Variants in GRK5 observed in about 807,000 individuals in gnomAD.
GRK5 encodes G protein-coupled receptor kinase 5, also known as g protein-coupled receptor kinase GRK5.
In GRK5, 40 loss-of-function variants were observed where a neutral mutation model predicts 78.4. That is an observed-to-expected ratio of 0.51 (90% CI 0.40 to 0.66). GRK5 has a LOEUF of 0.66. GRK5 is among the 30% of genes least tolerant of loss of function. GRK5 has a pLI of 0.00. For synonymous variants in GRK5, 289 were observed against 296.8 expected (o/e 0.97, Z 0.27); for missense variants, 598 against 759.9 (o/e 0.79, Z 2.50).
chr10:119,215,857 A>T (rs1247271492), intron 1 of GRK5, among the ~76,000 whole-genome samples: 1 of 152,196 alleles, frequency 6.6e-6, no homozygotes, highest in African/African-American at 2.4e-5. Flanking sequence ...AGTGCGGCAG[A>T]TCTACAGAAA....
intron 9 of GRK5, among the ~76,000 whole-genome samples, chr10:119,438,584 G>A (rs766115321): frequency 6.6e-6 from 1 of 151,294 alleles, no homozygotes; most frequent in Non-Finnish European, 1.5e-5. Context: ...CTACGTGATT[G>A]CCTTTTATTT....
At chr10:119,432,781 C>T (rs1217812531) in intron 8 of GRK5, among the ~76,000 whole-genome samples, 1 of 152,162 alleles carries the variant, frequency 6.6e-6, no homozygotes, top group East Asian at 1.9e-4. Context: ...ATCTTTAAAC[C>T]ACTACAGGGC....
At chr10:119,395,591 T>G (rs900945162) in intron 3 of GRK5, among the ~76,000 whole-genome samples, 1 of 152,196 alleles carries the variant, frequency 6.6e-6, no homozygotes, top group East Asian at 1.9e-4. Context: ...AATTAGCTCT[T>G]TTGTCTAAAT....
intron 1 of GRK5, among the ~76,000 whole-genome samples, chr10:119,235,079 G>A (rs1848901554): frequency 6.6e-6 from 1 of 152,062 alleles, no homozygotes; most frequent in African/African-American, 2.4e-5. Flanking sequence ...AGGCTTGGGT[G>A]ATCCTCCCAC....
chr10:119,413,853 GC>G (rs1283948500), intron 4 of GRK5, among the ~76,000 whole-genome samples: 5 of 152,158 alleles, frequency 3.3e-5, no homozygotes, highest in African/African-American at 1.2e-4. Context: ...GCCCACAGCA[GC>G]CTCCAGCCCT....
chr10:119,421,546 G>A (rs1201675195), intron 4 of GRK5, among the ~76,000 whole-genome samples: 3 of 152,232 alleles, frequency 2.0e-5, no homozygotes, highest in African/African-American at 4.8e-5. Context: ...GTTGTGACCC[G>A]TGCTCTGTGG....
intron 8 of GRK5, among the ~76,000 whole-genome samples, chr10:119,433,462 C>T (rs1017905295): frequency 6.6e-6 from 1 of 151,974 alleles, no homozygotes; most frequent in African/African-American, 2.4e-5. Context: ...TTAACTGTGC[C>T]CCATCCACGG....
intron 2 of GRK5, among the ~76,000 whole-genome samples, chr10:119,358,111 T>G (rs1283994491): frequency 6.6e-6 from 1 of 152,108 alleles, no homozygotes; most frequent in Non-Finnish European, 1.5e-5. Context: ...TTCCCCATTG[T>G]GCAGTGGGGA....
At chr10:119,423,358 A>G in intron 5 of GRK5, 92 bp downstream of exon 5, 1 of 843,286 alleles carries the variant, frequency 1.2e-6, no homozygotes, top group Non-Finnish European at 2.0e-6. Flanking sequence ...GCACTGAGGC[A>G]GGTCTTCCAT....
chr10:119,386,025 C>T (rs1589778126), intron 3 of GRK5, among the ~76,000 whole-genome samples: 1 of 152,138 alleles, frequency 6.6e-6, no homozygotes, highest in East Asian at 1.9e-4. Flanking sequence ...GCTGGGACTA[C>T]AGGTACACAC....
intron 1 of GRK5, among the ~76,000 whole-genome samples, chr10:119,223,223 A>T (rs1385562265): frequency 6.6e-6 from 1 of 152,128 alleles, no homozygotes; most frequent in African/African-American, 2.4e-5. Context: ...GTCCAGAGTT[A>T]TCCTTTGTAT....
At chr10:119,225,514 T>C (rs1848720503) in intron 1 of GRK5, among the ~76,000 whole-genome samples, 1 of 152,096 alleles carries the variant, frequency 6.6e-6, no homozygotes, top group Non-Finnish European at 1.5e-5. Context: ...GAATGGGCCC[T>C]ATCAAGCACT....
intron 1 of GRK5, among the ~76,000 whole-genome samples, chr10:119,275,611 T>TCTCTCTCTCTCTCTCTCG (rs574879389): frequency 2.4e-5 from 3 of 123,912 alleles, no homozygotes; most frequent in Admixed American, 7.9e-5. Context: ...TCTCTCTCTC[T>TCTCTCTCTCTCTCTCTCG]CGCACACACA....
At position 119,445,486 on chromosome 10, in the gene GRK5, G is replaced by A. The variant is rs893607880; in HGVS notation, c.1266+1734G>A. Among the ~76,000 whole-genome samples the A allele has an allele frequency of 1.8e-4, 28 of 152,106 alleles. No homozygotes were observed. The highest frequency in any genetic ancestry group is 6.5e-4 in the African/African-American group (27 of 41,398). ...GGCTTTGGAGCTGGGATCTCCTGCTGCAGCCTGGACCAGGGTGCTGCTGTC... is the reference window on the plus strand; with the variant it reads ...GGCTTTGGAGCTGGGATCTCCTGCTACAGCCTGGACCAGGGTGCTGCTGTC... On this transcript the variant is annotated intron_variant, in intron 12 of 15. Coordinates refer to ENST00000392870, the MANE Select transcript of GRK5 (RefSeq NM_005308.3). This position sits in a 1 kb window ranked among gnomAD's most constrained non-coding sequence, Gnocchi z 4.1.
chr10:119,239,721 C>A (rs1220688251), intron 1 of GRK5, among the ~76,000 whole-genome samples: 2 of 151,836 alleles, frequency 1.3e-5, no homozygotes, highest in Non-Finnish European at 2.9e-5. Flanking sequence ...GTGATGTTCC[C>A]CTCCCTTTGT....
chr10:119,249,105 C>T (rs1408531411), intron 1 of GRK5, among the ~76,000 whole-genome samples: 1 of 151,994 alleles, frequency 6.6e-6, no homozygotes, highest in Admixed American at 6.6e-5. Context: ...CCCGTCTTTA[C>T]TAAATATACA....
chr10:119,439,112 T>C (rs915117), intron 9 of GRK5, among the ~76,000 whole-genome samples: 139,335 of 152,320 alleles, frequency 0.91, 63,956 homozygotes, highest in African/African-American at 0.97. Context: ...GGCTCTCCCC[T>C]CATCCTGGGA....
chr10:119,424,854 G>A (rs913037203), intron 5 of GRK5, 139 bp from the exon 6 acceptor site: 38 of 659,646 alleles, frequency 5.8e-5, no homozygotes, highest in Non-Finnish European at 6.4e-5. Context: ...AGAATGGCAG[G>A]ACCTCTGGCC....
intron 2 of GRK5, chr10:119,333,787 A>G (rs2133773352): frequency 1.9e-6 from 1 of 533,068 alleles, no homozygotes; most frequent in South Asian, 1.4e-5. Context: ...CGGATCGCTG[A>G]TCTCCTGGAG....
Sources: allele counts gnomAD v4.1 joint callset (sites outside exome capture counted in the v4.1 genomes callset), GRCh38; gene constraint gnomAD v4.1.1; non-coding constraint Gnocchi (gnomAD v3.1); transcripts MANE v1.5; gene names NCBI Gene and HGNC (gene_info 2026-07-23, HGNC 2026-07-21).